SLC35F1: variants seen among roughly 807,000 people sequenced by gnomAD.
SLC35F1 encodes the protein chromosome 6 open reading frame 169.
SLC35F1 carries 14 observed loss-of-function variants against 48.7 expected under a neutral mutation model. That is an observed-to-expected ratio of 0.29 (90% CI 0.19 to 0.45). The LOEUF (loss-of-function observed/expected upper bound fraction) is 0.45. SLC35F1 is among the 20% of genes least tolerant of loss of function. The pLI, the probability that SLC35F1 is intolerant of heterozygous loss-of-function variation, is 1.00. For synonymous variants in SLC35F1, 190 were observed against 202.2 expected (o/e 0.94, Z 0.51); for missense variants, 404 against 500.0 (o/e 0.81, Z 1.83).
intron 7 of SLC35F1, among the ~76,000 whole-genome samples, chr6:118,308,982 T>TCC (rs1413901763): frequency 6.6e-6 from 1 of 152,166 alleles, no homozygotes; most frequent in Non-Finnish European, 1.5e-5. Context: ...CCTCCACTCA[T>TCC]CATAGATAGC....
chr6:118,182,938 T>C (rs758023698), intron 2 of SLC35F1, among the ~76,000 whole-genome samples: 1 of 152,218 alleles, frequency 6.6e-6, no homozygotes, highest in Non-Finnish European at 1.5e-5. Context: ...ACCATTACAG[T>C]AAAACTTAAG....
intron 2 of SLC35F1, among the ~76,000 whole-genome samples, chr6:118,219,366 C>T (rs771927058): frequency 1.3e-5 from 2 of 152,096 alleles, no homozygotes; most frequent in African/African-American, 4.8e-5. Context: ...TCTTAAGTTA[C>T]TACTACCCAG....
chr6:118,039,273 C>A (rs1441588180), intron 1 of SLC35F1, among the ~76,000 whole-genome samples: 1 of 151,582 alleles, frequency 6.6e-6, no homozygotes, highest in Non-Finnish European at 1.5e-5. Flanking sequence ...TAGTTCATGT[C>A]AAGATTTTTT....
intron 1 of SLC35F1, among the ~76,000 whole-genome samples, chr6:117,987,828 A>T (rs2114855285): frequency 6.6e-6 from 1 of 152,304 alleles, no homozygotes; most frequent in Non-Finnish European, 1.5e-5. Flanking sequence ...ACATTATTTT[A>T]TGTGTTTTTT....
chr6:118,195,707 C>A (rs1582723517), intron 2 of SLC35F1, among the ~76,000 whole-genome samples: 1 of 151,820 alleles, frequency 6.6e-6, no homozygotes, highest in Non-Finnish European at 1.5e-5. Flanking sequence ...GATCCTGGAC[C>A]TAGTCCAGTT....
chr6:118,068,098 G>C (rs1390877275), intron 1 of SLC35F1, among the ~76,000 whole-genome samples: 1 of 152,176 alleles, frequency 6.6e-6, no homozygotes, highest in African/African-American at 2.4e-5. Flanking sequence ...CTCCAGAAGA[G>C]AGAGAGTGAA....
chr6:117,988,911 A>G (rs1776881695), intron 1 of SLC35F1, among the ~76,000 whole-genome samples: 1 of 152,238 alleles, frequency 6.6e-6, no homozygotes, highest in African/African-American at 2.4e-5. Context: ...CTGCACACTT[A>G]AAAGTGGTTA....
chr6:118,246,239 C>T (rs972865686), intron 3 of SLC35F1, among the ~76,000 whole-genome samples: 1 of 152,266 alleles, frequency 6.6e-6, no homozygotes, highest in African/African-American at 2.4e-5. Flanking sequence ...CTAAAGAAGT[C>T]AAGAAAGTCA....
At chr6:118,261,449 G>A (rs749547626) in intron 3 of SLC35F1, among the ~76,000 whole-genome samples, 1 of 152,042 alleles carries the variant, frequency 6.6e-6, no homozygotes, top group Non-Finnish European at 1.5e-5. Flanking sequence ...GCATACACAA[G>A]CATAATAGTC....
intron 1 of SLC35F1, among the ~76,000 whole-genome samples, chr6:118,062,616 T>C (rs932805882): frequency 4.6e-5 from 7 of 152,222 alleles, no homozygotes; most frequent in Non-Finnish European, 8.8e-5. Context: ...CTTTAAATCC[T>C]TTTTGTTTTT....
At chr6:117,985,870 A>G (rs1486538469) in intron 1 of SLC35F1, among the ~76,000 whole-genome samples, 2 of 152,234 alleles carry the variant, frequency 1.3e-5, no homozygotes, top group African/African-American at 4.8e-5. Flanking sequence ...CAAATAACAG[A>G]AAATATCGCT....
intron 1 of SLC35F1, among the ~76,000 whole-genome samples, chr6:118,114,553 T>C (rs1293911169): frequency 6.6e-6 from 1 of 152,016 alleles, no homozygotes; most frequent in African/African-American, 2.4e-5. Context: ...TTTTTTTGTA[T>C]TTTTAGTAAA....
chr6:118,099,770 G>A (rs1773230641), intron 1 of SLC35F1, among the ~76,000 whole-genome samples: 1 of 152,180 alleles, frequency 6.6e-6, no homozygotes, highest in Non-Finnish European at 1.5e-5. Flanking sequence ...GGGAGAAAAT[G>A]CTCTGTGAGT....
At chr6:118,249,431 T>G (rs934767715) in intron 3 of SLC35F1, among the ~76,000 whole-genome samples, 1 of 152,156 alleles carries the variant, frequency 6.6e-6, no homozygotes, top group Non-Finnish European at 1.5e-5. Flanking sequence ...ATGAAAACAC[T>G]TCTACACCTT....
At chr6:117,943,090 A>T (rs959944922) in intron 1 of SLC35F1, among the ~76,000 whole-genome samples, 1 of 152,092 alleles carries the variant, frequency 6.6e-6, no homozygotes, top group African/African-American at 2.4e-5. Flanking sequence ...CTTGTTATCG[A>T]TCCATTTTGG....
chr6:118,312,770 C>T (rs1373300771), intron 7 of SLC35F1, among the ~76,000 whole-genome samples: 2 of 152,120 alleles, frequency 1.3e-5, no homozygotes, highest in Admixed American at 6.5e-5. Context: ...ACAGTTAGAG[C>T]CATCTTTTAG....
Position 118,256,668 on chromosome 6 carries a change from C to T in SLC35F1, c.478-10327C>T, listed in dbSNP as rs536032303. 6.6e-5 allele frequency among the ~76,000 whole-genome samples: 10 copies of T among 152,332 alleles called. 1 individual carries two copies. The South Asian group carries it at 2.1e-3, about 32-fold the overall frequency. ...AAACCATCAGCTTCCCTTGAAAACA[C>T]TGACCTGACTCTTGTAGATTTTTGC... is the stretch of plus-strand genomic sequence containing the variant. On this transcript the variant is annotated intron_variant, in intron 3 of 7. Coordinates refer to ENST00000360388, the MANE Select transcript of SLC35F1 (RefSeq NM_001029858.4).
At chr6:118,085,214 A>C (rs1240286973) in intron 1 of SLC35F1, among the ~76,000 whole-genome samples, 1 of 152,124 alleles carries the variant, frequency 6.6e-6, no homozygotes, top group Non-Finnish European at 1.5e-5. Context: ...TCCCCCTTGG[A>C]GGAGGCTTCC....
intron 2 of SLC35F1, among the ~76,000 whole-genome samples, chr6:118,166,926 G>T (rs572625599): frequency 6.6e-6 from 1 of 152,216 alleles, no homozygotes; most frequent in African/African-American, 2.4e-5. Context: ...TTCTGCCCAT[G>T]ATTACTTTAT....
Sources: gnomAD v4.1 joint callset for allele counts (sites outside exome capture counted in the v4.1 genomes callset) on GRCh38, gnomAD v4.1.1 for gene constraint, MANE v1.5 for transcripts, NCBI Gene and HGNC (gene_info 2026-07-23, HGNC 2026-07-21) for gene names.